Variants in ACRBP observed in about 807,000 individuals in gnomAD.
The protein encoded by ACRBP is acrosin binding protein.
In ACRBP, 52 loss-of-function variants were observed where a neutral mutation model predicts 69.0. The ratio of observed to expected loss-of-function variants is 0.75; its 90% CI spans 0.60 to 0.95. The LOEUF is 0.95. Ranked by LOEUF, ACRBP falls within the 40% of genes least tolerant of loss-of-function variation. The pLI, the probability that ACRBP is intolerant of heterozygous loss-of-function variation, is 0.00. For synonymous variants in ACRBP, 267 were observed against 258.9 expected (o/e 1.03, Z -0.30); for missense variants, 604 against 673.0 (o/e 0.90, Z 1.13).
chr12:6,642,418 T>G (rs1351496446), intron 6 of ACRBP, among the ~76,000 whole-genome samples: 1 of 152,234 alleles, frequency 6.6e-6, no homozygotes, highest in Non-Finnish European at 1.5e-5. Flanking sequence ...GTGTATCTAC[T>G]CCTAGGTGAT....
At chr12:6,641,084 C>G (rs1170503650) in intron 6 of ACRBP, among the ~76,000 whole-genome samples, 1 of 152,232 alleles carries the variant, frequency 6.6e-6, no homozygotes, top group Non-Finnish European at 1.5e-5. Flanking sequence ...GTAAGTTGCT[C>G]AAAGCCACTT....
rs1354130021 is a variant in ACRBP at position 6,640,661 on chromosome 12, G to T, written c.1078-139C>A. The stretch of plus-strand genomic sequence containing the variant: ...AAAGCTTCTCTGGGTTTTCTACTTG[G>T]CCTCCTCCCCAAGGGTTCCTCAAGG... On this transcript the variant is annotated intron_variant, in intron 6 of 9. Transcript: ENST00000229243. This position sits in a 1 kb window ranked among gnomAD's most constrained non-coding sequence, Gnocchi z 5.3. 10 of 932,344 alleles carry T rather than the reference G, an allele frequency of 1.1e-5. No individual in the cohort carries two copies. The highest frequency in any genetic ancestry group is 1.6e-5 in the Non-Finnish European group (10 of 634,904). 57.8% of individuals were successfully genotyped at this position (932,344 alleles called of 1,614,324 possible).
rs759401934 is a variant in ACRBP at position 6,646,810 on chromosome 12, G to A, written c.246C>T (p.His82=). The part of the protein sequence containing the change: ...TLVQLDQYEN[H]GLVPDGAVCS... Reference sequence around the variant, plus strand: ...GGCCCTCACCATCGGGCACTAAGCCGTGGTTTTCATATTGGTCCAGCTGGA... The same window carrying A: ...GGCCCTCACCATCGGGCACTAAGCCATGGTTTTCATATTGGTCCAGCTGGA... The change falls in exon 2 of 10, where the codon CAC becomes CAT. Residue 82 remains histidine, a synonymous_variant. Coordinates refer to ENST00000229243, the MANE Select transcript of ACRBP (RefSeq NM_032489.3). 5.6e-6 allele frequency: 9 copies of A among 1,614,020 alleles called. No individual in the cohort carries two copies. The Middle Eastern group carries it at 5.0e-4, about 89-fold the overall frequency.
In ACRBP at chr12:6,644,240, T is replaced by G. The variant is rs1565392519; in HGVS notation, c.841A>C (p.Ile281Leu). The change falls in exon 5 of 10, where the codon ATA becomes CTA. Residue 281 changes from isoleucine to leucine, a missense_variant. Physicochemically the swap from Ile to Leu is conservative, Grantham distance 5 (BLOSUM62 2). Around this residue, in one of 3 missense-constraint regions of ACRBP, gnomAD observed 532 missense variants for 562.9 expected, o/e 0.95. Transcript: ENST00000229243. ...ATGAGCTCCTGGATGTTCTCCATTA[T>G]CATAGGAGTAGACTCTACTTCTCGT... ...RVREVESTPMIMENIQELIRS... is the reference protein window; with the variant it reads ...RVREVESTPMLMENIQELIRS... 1 of 1,614,130 alleles carries G rather than the reference T, an allele frequency of 6.2e-7. No homozygotes were observed. Among genetic ancestry groups the G allele is most frequent in the South Asian group, 1.1e-5 (1 of 91,080 alleles).
rs1592306081 is a variant in ACRBP at position 6,640,178 on chromosome 12, C to T, written c.1307G>A (p.Gly436Glu). 1 of 1,614,176 alleles carries T rather than the reference C, an allele frequency of 6.2e-7. No homozygotes were observed. The highest frequency in any genetic ancestry group is 2.2e-5 in the East Asian group (1 of 44,886). ...GGCACACCAGAAGTCCATGTGGAGC[C>T]CACCGTACAAATCCAGCCCGTAAAA... ...GRFYGLDLYG[G>E]LHMDFWCARL... Residue 436 changes from glycine to glutamate, a missense_variant, in exon 8 of 10, where the codon GGG becomes GAG. Gly to Glu is a moderately conservative substitution (Grantham distance 98, BLOSUM62 -2). This residue lies in a region of ACRBP where 532 missense variants were observed against 562.9 expected (regional missense o/e 0.95). Transcript: ENST00000229243. The surrounding 1 kb of genome is among the most constrained non-coding windows in gnomAD (Gnocchi z 5.3).
chr12:6,641,767 G>T (rs1467314048), intron 6 of ACRBP, among the ~76,000 whole-genome samples: 1 of 152,058 alleles, frequency 6.6e-6, no homozygotes, highest in Non-Finnish European at 1.5e-5. Flanking sequence ...CCTCTTCTTT[G>T]GGCCAGGCAC....
At position 6,646,627 on chromosome 12, in the gene ACRBP, G is replaced by A. The variant is rs752003877; in HGVS notation, c.263-50C>T. ...GATGAACCCGTGGGGAGCTTGGGGT[G>A]GGGCTGTGGGCAATGGACTCCACGC... On this transcript the variant is annotated intron_variant, in intron 2 of 9. Coordinates refer to ENST00000229243, the MANE Select transcript of ACRBP (RefSeq NM_032489.3). 1.9e-6 allele frequency: 3 copies of A among 1,572,088 alleles called. No homozygotes were observed. In the East Asian group the frequency reaches 6.7e-5, roughly 35 times the overall value.
chr12:6,647,327 T>A lies in ACRBP; in HGVS notation c.40A>T (p.Lys14Ter). ...GGAGCAGGTGTAAACCTCTCACCCT[T>A]CAGGAGTGAGGGAAGGAAGCCAGCG... ...PAAGFLPSLLKVLLLPLAPAA... is the reference protein window; with the variant it reads ...PAAGFLPSLL The change falls in exon 1 of 10, where the codon AAG becomes TAG. Residue 14 changes from lysine to a stop codon, truncating the protein, a stop_gained. Transcript: ENST00000229243. LOFTEE classifies it high-confidence loss of function. 6.4e-6 allele frequency: 10 copies of A among 1,552,622 alleles called. No homozygotes were observed. The highest frequency in any genetic ancestry group is 8.7e-6 in the Non-Finnish European group (10 of 1,149,412).
At chr12:6,643,890 C>G (rs1227824792) in intron 5 of ACRBP, among the ~76,000 whole-genome samples, 3 of 152,232 alleles carry the variant, frequency 2.0e-5, no homozygotes, top group Non-Finnish European at 4.4e-5. Context: ...CAATGCTAAA[C>G]AGGGCAGAGA....
chr12:6,645,475 AC>A, intron 3 of ACRBP, 138 bp from the exon 4 acceptor site: 1 of 657,086 alleles, frequency 1.5e-6, no homozygotes, highest in Non-Finnish European at 2.6e-6. Flanking sequence ...CCCTGCTGGA[AC>A]CCTCTAGACC....
chr12:6,645,389 G>C, intron 3 of ACRBP, 52 bp from the exon 4 acceptor site: 1 of 1,395,198 alleles, frequency 7.2e-7, no homozygotes, highest in African/African-American at 1.4e-5. Context: ...GCAGACTTCT[G>C]CTCCAGCTGG....
Position 6,638,151 on chromosome 12 carries a change from C to G in ACRBP, c.*131G>C. 7.4e-7 allele frequency: 1 copy of G among 1,358,704 alleles called. No individual in the cohort carries two copies. Among genetic ancestry groups the G allele is most frequent in the Non-Finnish European group, 1.0e-6 (1 of 987,924 alleles). 84.2% of individuals were successfully genotyped at this position (1,358,704 alleles called of 1,614,324 possible). ...ACCGTGGCCCTCTCTGGGACTGTTG[C>G]TCCAACCCAAGGAAATGTGAGTAGG... On this transcript the variant is annotated 3_prime_UTR_variant, in exon 10 of 10. Transcript: ENST00000229243.
chr12:6,644,380 T>A lies in ACRBP; in HGVS notation c.701A>T (p.Glu234Val). 6.2e-7 allele frequency: 1 copy of A among 1,613,972 alleles called. No homozygotes were observed. The highest frequency in any genetic ancestry group is 8.5e-7 in the Non-Finnish European group (1 of 1,179,948). ...EEQEEEGKQE[E>V]GQGTKEGREA... ...CCGTCCCTCCTTAGTCCCCTGTCCTTCTTCCTGCTTTCCCTCCTCTTCCTG... is the reference window on the plus strand; with the variant it reads ...CCGTCCCTCCTTAGTCCCCTGTCCTACTTCCTGCTTTCCCTCCTCTTCCTG... The change falls in exon 5 of 10, where the codon GAA (glutamate) becomes GTA (valine). Residue 234 changes from glutamate (E) to valine (V), a missense_variant. Around this residue, in one of 3 missense-constraint regions of ACRBP, gnomAD observed 532 missense variants for 562.9 expected, o/e 0.95. Coordinates refer to ENST00000229243, the MANE Select transcript of ACRBP (RefSeq NM_032489.3).
Position 6,639,053 on chromosome 12 carries a change from G to T in ACRBP, c.1426-16C>A. 19 of 1,609,772 alleles carry T rather than the reference G, an allele frequency of 1.2e-5. No homozygotes were observed. Among genetic ancestry groups the T allele is most frequent in the Non-Finnish European group, 1.6e-5 (19 of 1,176,026 alleles). On this transcript the variant is annotated splice_polypyrimidine_tract_variant and intron_variant, in intron 8 of 9. Transcript: ENST00000229243. ...TGTCACAAATCTAAGCCAAGAGCCA[G>T]AGAGAGGGAAGAGGGTATCAGAAGC...
At chr12:6,639,348 G>A (rs181226013) in intron 8 of ACRBP, among the ~76,000 whole-genome samples, 1 of 152,336 alleles carries the variant, frequency 6.6e-6, no homozygotes, top group African/African-American at 2.4e-5. Context: ...ACAGGGACCC[G>A]ATTAGTGGCC....
At chr12:6,647,198 G>A (rs1949096973) in intron 1 of ACRBP, 126 bp downstream of exon 1, 13 of 1,225,008 alleles carry the variant, frequency 1.1e-5, no homozygotes, top group Non-Finnish European at 1.5e-5. Flanking sequence ...GAGTATCCCA[G>A]GACCTAGGGA....
chr12:6,643,555 A>C lies in ACRBP; in HGVS notation c.1061T>G (p.Leu354Arg). Residue 354 changes from leucine to arginine, a missense_variant, in exon 6 of 10, where the codon CTT (leucine) becomes CGT (arginine). Transcript: ENST00000229243. ...CTGGCATACCGACTTCCCGAAACCA[A>C]GGATCTCCTCCTCCATGTACTTCCA... The part of the protein sequence containing the change: ...KAWKYMEEEI[L>R]GFGKSVCDSL... 6.2e-7 allele frequency: 1 copy of C among 1,614,172 alleles called. No homozygotes were observed. Among genetic ancestry groups the C allele is most frequent in the Non-Finnish European group, 8.5e-7 (1 of 1,180,006 alleles).
chr12:6,640,349 G>T lies in ACRBP; in HGVS notation c.1251C>A (p.Gly417=), dbSNP rs774640239. The change falls in exon 7 of 10, where the codon GGC becomes GGA. Residue 417 remains glycine (G), a synonymous_variant. Coordinates refer to ENST00000229243, the MANE Select transcript of ACRBP (RefSeq NM_032489.3). This position sits in a 1 kb window ranked among gnomAD's most constrained non-coding sequence, Gnocchi z 5.3. The part of the protein sequence containing the change: ...PLLASQSLSI[G]NQVGSPESGR... ...GGGCTGCCGGGCTAGATACCTGGTT[G>T]CCGATGGACAGGCTCTGGGAGGCAA... 2 of 1,611,350 alleles carry T rather than the reference G, an allele frequency of 1.2e-6. No homozygotes were observed. The highest frequency in any genetic ancestry group is 1.7e-6 in the Non-Finnish European group (2 of 1,178,570).
Position 6,640,590 on chromosome 12 carries a change from C to T in ACRBP, c.1078-68G>A. 7 of 1,533,182 alleles carry T rather than the reference C, an allele frequency of 4.6e-6. No individual in the cohort carries two copies. Among genetic ancestry groups the T allele is most frequent in the Non-Finnish European group, 5.3e-6 (6 of 1,127,778 alleles). 95.0% of individuals were successfully genotyped at this position (1,533,182 alleles called of 1,614,324 possible). On this transcript the variant is annotated intron_variant, in intron 6 of 9. Coordinates refer to ENST00000229243, the MANE Select transcript of ACRBP (RefSeq NM_032489.3). This position sits in a 1 kb window ranked among gnomAD's most constrained non-coding sequence, Gnocchi z 5.3. ...GCCTGCCTTCTCCCATGCCTCAGCC[C>T]TCCAGGGTGGGCCCTGCAGAATGTC...
Sources: gnomAD v4.1 joint callset for allele counts (sites outside exome capture counted in the v4.1 genomes callset) on GRCh38, gnomAD v4.1.1 for gene constraint, gnomAD v4.1.1 regional missense constraint, Gnocchi (gnomAD v3.1) non-coding constraint, MANE v1.5 for transcripts, NCBI Gene and HGNC (gene_info 2026-07-23, HGNC 2026-07-21) for gene names.